Variants in LRR1 observed in about 807,000 individuals in gnomAD.
LRR1 encodes the protein leucine-rich repeat protein 1.
Under a neutral mutation model 31.6 loss-of-function variants are expected in LRR1, and 29 were observed. The observed-to-expected ratio is 0.92, with a 90% confidence interval of 0.68 to 1.25. LRR1 has a LOEUF of 1.25. Among genes scored for constraint, LRR1 ranks in the 50% most tolerant of loss-of-function variants. LRR1 has a pLI of 0.00. For synonymous variants in LRR1, 179 were observed against 181.4 expected, an observed-to-expected ratio of 0.99 and a Z score of 0.10; for missense variants, 485 against 487.2, an observed-to-expected ratio of 1.00 and a Z score of 0.04.
At chr14:49,611,331 C>G (rs999843686) in intron 3 of LRR1, among the ~76,000 whole-genome samples, 1 of 151,860 alleles carries the variant, frequency 6.6e-6, no homozygotes, top group African/African-American at 2.4e-5. Context: ...AAAAATTAGC[C>G]GGGCATGGTG....
intron 3 of LRR1, among the ~76,000 whole-genome samples, chr14:49,611,575 C>T (rs1437317513): frequency 6.6e-6 from 1 of 152,072 alleles, no homozygotes; most frequent in East Asian, 1.9e-4. Flanking sequence ...TATCTTTTGG[C>T]AGTGAGGTGC....
rs769370317 is a variant in LRR1, at chr14:49,599,167, C to T, written c.147C>T (p.Ile49=). 5 of 1,608,956 alleles carry T rather than the reference C, an allele frequency of 3.1e-6. No homozygotes were observed. The highest frequency in any genetic ancestry group is 2.7e-5 in the African/African-American group (2 of 74,894). The part of the protein sequence containing the change: ...SQPPVRAFLL[I]STLKDKRGTR... ...CGCCGGTCCGAGCCTTCCTGCTCAT[C>T]TCCACCCTGAAGGACAAGCGCGGGA... The change falls in exon 1 of 4, where the codon ATC becomes ATT. Residue 49 remains isoleucine (I), a synonymous_variant. Coordinates refer to ENST00000298288, the MANE Select transcript of LRR1 (RefSeq NM_152329.4).
At chr14:49,602,995 G>T (rs944055184) in intron 2 of LRR1, among the ~76,000 whole-genome samples, 1 of 139,960 alleles carries the variant, frequency 7.1e-6, no homozygotes, top group East Asian at 1.9e-4. Flanking sequence ...ACCACCATGC[G>T]TGGCTGATTT....
chr14:49,599,080 G>A lies in LRR1; in HGVS notation c.60G>A (p.Arg20=). The stretch of plus-strand genomic sequence containing the variant: ...GGCACTTGCCCGCCTTGGGGCTTAG[G>A]AACCGGGGCAAGGGCGTCCGAGCCG... The part of the protein sequence containing the change: ...ISRHLPALGL[R]NRGKGVRAVL... Residue 20 remains arginine, a synonymous_variant, in exon 1 of 4, where the codon AGG becomes AGA. Coordinates refer to ENST00000298288, the MANE Select transcript of LRR1 (RefSeq NM_152329.4). 1 of 1,608,954 alleles carries A rather than the reference G, an allele frequency of 6.2e-7. No individual in the cohort carries two copies. Among genetic ancestry groups the A allele is most frequent in the Non-Finnish European group, 8.5e-7 (1 of 1,177,916 alleles).
intron 1 of LRR1, chr14:49,601,054 A>C: frequency 6.2e-7 from 1 of 1,611,324 alleles, no homozygotes. Flanking sequence ...GCATACCCAG[A>C]GTGGTGAAAT....
intron 2 of LRR1, among the ~76,000 whole-genome samples, chr14:49,605,680 T>A (rs1244772539): frequency 1.4e-4 from 22 of 152,228 alleles, no homozygotes; most frequent in Admixed American, 1.4e-3. Flanking sequence ...TCCAGCAACA[T>A]TTTTTTCTAT....
rs943453975 is a variant in LRR1, at chr14:49,599,160, T to C, written c.140T>C (p.Leu47Pro). Reference sequence around the variant, plus strand: ...AGTCAGCCGCCGGTCCGAGCCTTCCTGCTCATCTCCACCCTGAAGGACAAG... The same window carrying C: ...AGTCAGCCGCCGGTCCGAGCCTTCCCGCTCATCTCCACCCTGAAGGACAAG... ...SRSQPPVRAFLLISTLKDKRG... is the reference protein window; with the variant it reads ...SRSQPPVRAFPLISTLKDKRG... Residue 47 changes from leucine (L) to proline (P), a missense_variant, in exon 1 of 4, where the codon CTG becomes CCG. Leu to Pro is a moderately conservative substitution (Grantham distance 98). This residue lies in a region of LRR1 where 260 missense variants were observed against 249.6 expected (regional missense o/e 1.04). Transcript: ENST00000298288. 7.5e-6 allele frequency: 12 copies of C among 1,609,262 alleles called. No homozygotes were observed. Among genetic ancestry groups the C allele is most frequent in the Non-Finnish European group, 7.6e-6 (9 of 1,178,164 alleles).
At chr14:49,612,325 C>G (rs1398606124) in intron 3 of LRR1, 1 of 362,928 alleles carries the variant, frequency 2.8e-6, no homozygotes, top group Non-Finnish European at 4.0e-6. Flanking sequence ...AGCTGTGACA[C>G]CAAAACCTAT....
rs200757504 is a variant in LRR1, at chr14:49,608,108, A to G, written c.991A>G (p.Ile331Val). ...TTTATTGGAATCTTCTGCACGAACC[A>G]TATTACATAATAGGTAAGATTTTAA... ...LTLLESSART[I>V]LHNRIPYGSH... The change falls in exon 3 of 4, where the codon ATA (isoleucine) becomes GTA (valine). Residue 331 changes from isoleucine to valine, a missense_variant. Ile to Val is a conservative substitution (Grantham distance 29, BLOSUM62 3). Around this residue, in one of 3 missense-constraint regions of LRR1, gnomAD observed 210 missense variants for 200.4 expected, o/e 1.05. Coordinates refer to ENST00000298288, the MANE Select transcript of LRR1 (RefSeq NM_152329.4). 429 of 1,566,030 alleles carry G rather than the reference A, an allele frequency of 2.7e-4. No homozygotes were observed. The highest frequency in any genetic ancestry group is 3.5e-4 in the Non-Finnish European group (402 of 1,161,640).
At position 49,608,748 on chromosome 14, in the gene LRR1, CTG is replaced by C. The variant is rs1252756772; in HGVS notation, c.1004+628_1004+629del. On this transcript the variant is annotated intron_variant, in intron 3 of 3. Coordinates refer to ENST00000298288, the MANE Select transcript of LRR1 (RefSeq NM_152329.4). The stretch of plus-strand genomic sequence containing the variant: ...CATTCCAGACCTACTGAATCAGAAA[CTG>C]AGAGTGGGGTCCAGCTGTGTCTTAG... Among the ~76,000 whole-genome samples the C allele has an allele frequency of 2.0e-5, 3 of 151,984 alleles. No homozygotes were observed. The South Asian group carries it at 6.2e-4, about 32-fold the overall frequency.
intron 1 of LRR1, chr14:49,600,891 T>G (rs1882029106): frequency 7.5e-7 from 1 of 1,334,652 alleles, no homozygotes; most frequent in Admixed American, 2.7e-5. Flanking sequence ...TACAATCACA[T>G]CATGTTGTAA....
chr14:49,599,950 G>T (rs1204801537), intron 1 of LRR1: 13 of 1,492,770 alleles, frequency 8.7e-6, no homozygotes, highest in African/African-American at 1.4e-5. Flanking sequence ...CCGGGGCGGG[G>T]GCTCCGGGGG....
In LRR1 at chr14:49,603,739, G is replaced by A. The variant is rs554101062; in HGVS notation, c.282+1271G>A. ...GACAGAGTCTCTCCCTGTCACCCAG[G>A]CTGGATTACAGTGGCGTGATCTCAG... On this transcript the variant is annotated intron_variant, in intron 2 of 3. Transcript: ENST00000298288. 8 of 945,264 alleles carry A rather than the reference G, an allele frequency of 8.5e-6. No individual in the cohort carries two copies. In the African/African-American group the frequency reaches 1.4e-4, roughly 17 times the overall value. 58.6% of individuals were successfully genotyped at this position (945,264 alleles called of 1,614,324 possible).
intron 3 of LRR1, 112 bp downstream of exon 3, chr14:49,608,233 C>CATTATAGCAAAGGGTCAGA: frequency 8.7e-7 from 1 of 1,146,346 alleles, no homozygotes; most frequent in Non-Finnish European, 1.2e-6. Flanking sequence ...ACAGTCTGAC[C>CATTATAGCAAAGGGTCAGA]CTTTGCTATA....
chr14:49,599,633 G>GCA (rs1279218778), intron 1 of LRR1, among the ~76,000 whole-genome samples: 1 of 151,896 alleles, frequency 6.6e-6, no homozygotes, highest in African/African-American at 2.4e-5. Flanking sequence ...AAAGCAGGTC[G>GCA]GCCGCCCTCC....
In LRR1 at chr14:49,605,521, G is replaced by T. The variant is rs548880313; in HGVS notation, c.283-1879G>T. 2.6e-5 allele frequency among the ~76,000 whole-genome samples: 4 copies of T among 152,270 alleles called. No individual in the cohort carries two copies. In the South Asian group the frequency reaches 6.2e-4, roughly 24 times the overall value. ...CTGATCTTTTCACTTGTCTATCACA[G>T]TATCATTATTTCTCATTATTTTTGC... On this transcript the variant is annotated intron_variant, in intron 2 of 3. Coordinates refer to ENST00000298288, the MANE Select transcript of LRR1 (RefSeq NM_152329.4).
intron 1 of LRR1, 90 bp from the exon 2 acceptor site, chr14:49,602,280 G>A: frequency 1.7e-6 from 2 of 1,164,692 alleles, no homozygotes; most frequent in South Asian, 1.4e-5. Flanking sequence ...ACCAAAGCCT[G>A]GCAAAGTAAC....
At chr14:49,600,021 C>A in intron 1 of LRR1, 1 of 1,609,282 alleles carries the variant, frequency 6.2e-7, no homozygotes, top group Non-Finnish European at 8.5e-7. Flanking sequence ...CGCGCTGATG[C>A]TCAAGTGCGT....
Position 49,603,480 on chromosome 14 carries a change from C to G in LRR1, c.282+1012C>G, listed in dbSNP as rs1476964515. 8.2e-6 allele frequency: 3 copies of G among 365,648 alleles called. No homozygotes were observed. In the East Asian group the frequency reaches 4.6e-4, roughly 56 times the overall value. The allele number at this position is 365,648 out of a possible 1,614,324, so 22.7% of individuals were successfully genotyped here. On this transcript the variant is annotated intron_variant, in intron 2 of 3. Transcript: ENST00000298288. ...AAAAGAGGAAAAAATTCAATTAGAA[C>G]CATCTTGTATTTTATTTACTGTAAT...
Sources: allele counts gnomAD v4.1 joint callset (sites outside exome capture counted in the v4.1 genomes callset), GRCh38; gene constraint gnomAD v4.1.1; regional missense constraint gnomAD v4.1.1; transcripts MANE v1.5; gene names NCBI Gene and HGNC (gene_info 2026-07-23, HGNC 2026-07-21).